The following FYB2 variants were observed in gnomAD, a reference collection of about 807,000 sequenced individuals.
FYB2 encodes FYN binding protein 2.
A neutral mutation model predicts 94.1 loss-of-function variants in FYB2; 103 were observed. The ratio of observed to expected loss-of-function variants is 1.09; its 90% CI spans 0.93 to 1.29. The LOEUF (loss-of-function observed/expected upper bound fraction) is 1.29. Among genes scored for constraint, FYB2 ranks in the 50% most tolerant of loss-of-function variants. FYB2 has a pLI of 0.00. For synonymous variants in FYB2, 293 were observed against 287.9 expected, an observed-to-expected ratio of 1.02 and a Z score of -0.18; for missense variants, 896 against 841.5, an observed-to-expected ratio of 1.06 and a Z score of -0.80.
chr1:56,720,942 A>G (rs1441797297), intron 17 of FYB2: 1 of 151,954 alleles, frequency 6.6e-6, no homozygotes, highest in Non-Finnish European at 1.5e-5. Flanking sequence ...ATATTCTTAC[A>G]TACCTATCAT....
intron 9 of FYB2, among the ~76,000 whole-genome samples, chr1:56,749,911 T>A (rs1645155576): frequency 6.6e-6 from 1 of 152,080 alleles, no homozygotes; most frequent in Non-Finnish European, 1.5e-5. Flanking sequence ...GTGGTACTTT[T>A]ATGAATGTTT....
At chr1:56,771,628 G>C (rs1290417939) in intron 4 of FYB2, among the ~76,000 whole-genome samples, 1 of 152,144 alleles carries the variant, frequency 6.6e-6, no homozygotes, top group East Asian at 1.9e-4. Flanking sequence ...TTAGGGTTAG[G>C]GTTAAAGGTG....
intron 9 of FYB2, among the ~76,000 whole-genome samples, chr1:56,748,824 A>G (rs1404319747): frequency 6.6e-6 from 1 of 151,882 alleles, no homozygotes; most frequent in Non-Finnish European, 1.5e-5. Context: ...ACAACTTTCT[A>G]TCTGTGATTA....
At chr1:56,744,347 G>A (rs923593217) in intron 9 of FYB2, 81 bp from the exon 10 acceptor site, 3 of 1,040,088 alleles carry the variant, frequency 2.9e-6, no homozygotes, top group Admixed American at 1.9e-5. Flanking sequence ...TGGCAGTGGA[G>A]GCAAGCATAA....
chr1:56,821,794 TC>T (rs1646994484), upstream of FYB2, among the ~76,000 whole-genome samples: 1 of 152,170 alleles, frequency 6.6e-6, no homozygotes. Context: ...AAGTGGCAGA[TC>T]CTTGTATTCA....
At chr1:56,819,096 T>A (rs1646952816) in intron 1 of FYB2, among the ~76,000 whole-genome samples, 186 bp downstream of exon 1, 1 of 150,904 alleles carries the variant, frequency 6.6e-6, no homozygotes, top group Admixed American at 6.6e-5. Flanking sequence ...ACACTCCTCT[T>A]CCCTCCCACC....
intron 1 of FYB2, among the ~76,000 whole-genome samples, chr1:56,814,540 A>G (rs191715200): frequency 7.2e-5 from 11 of 152,320 alleles, no homozygotes; most frequent in Admixed American, 3.9e-4. Flanking sequence ...GGACTAAACA[A>G]CACAATTCAA....
chr1:56,733,397 A>AT (rs542028916), intron 15 of FYB2, among the ~76,000 whole-genome samples: 3 of 152,072 alleles, frequency 2.0e-5, no homozygotes, highest in South Asian at 4.1e-4. Flanking sequence ...GGATTCATTG[A>AT]TTTTTTGAAG....
chr1:56,821,213 G>C (rs1646987568), upstream of FYB2, among the ~76,000 whole-genome samples: 1 of 152,144 alleles, frequency 6.6e-6, no homozygotes, highest in African/African-American at 2.4e-5. Context: ...CTAGTGCAAG[G>C]GCTCCCCCTA....
upstream of FYB2, chr1:56,824,069 T>C (rs369935668): frequency 3.5e-4 from 53 of 152,348 alleles, 2 homozygotes; most frequent in African/African-American, 1.2e-3. Context: ...ACATACCACA[T>C]GAAAGCCATG....
intron 9 of FYB2, among the ~76,000 whole-genome samples, chr1:56,749,420 G>C (rs1440845952): frequency 2.6e-5 from 4 of 151,410 alleles, no homozygotes; most frequent in African/African-American, 7.3e-5. Context: ...ATGAATTTTG[G>C]ATAATTTCTT....
At chr1:56,742,424 A>C (rs553481149) in intron 11 of FYB2, among the ~76,000 whole-genome samples, 1 of 152,204 alleles carries the variant, frequency 6.6e-6, no homozygotes, top group African/African-American at 2.4e-5. Context: ...TGTATAAATG[A>C]AAATTAAGAC....
At chr1:56,724,905 G>T (rs975016629) in intron 16 of FYB2, among the ~76,000 whole-genome samples, 2 of 152,044 alleles carry the variant, frequency 1.3e-5, no homozygotes, top group African/African-American at 4.8e-5. Flanking sequence ...TCATGGGGTT[G>T]TCTCCCTCAT....
At chr1:56,811,598 C>A (rs1400659346) in intron 1 of FYB2, among the ~76,000 whole-genome samples, 2 of 152,204 alleles carry the variant, frequency 1.3e-5, no homozygotes, top group African/African-American at 2.4e-5. Flanking sequence ...AGGGTTGTCA[C>A]AGCAAGTACC....
intron 1 of FYB2, among the ~76,000 whole-genome samples, chr1:56,811,614 C>G (rs1036476482): frequency 1.3e-5 from 2 of 152,216 alleles, no homozygotes; most frequent in African/African-American, 4.8e-5. Flanking sequence ...GTACCACAGA[C>G]TATGTGGCTC....
chr1:56,792,695 T>C lies in FYB2; in HGVS notation c.118A>G (p.Ile40Val). ...ATTTGAGTTGACTGTGTGCCTCCAA[T>C]GTCACCCTTTGGAGAAACACCTGCT... is the stretch of plus-strand genomic sequence containing the variant. ...FPAGVSPKGD[I>V]GGTQSTQILA... The change falls in exon 2 of 20, where the codon ATT (isoleucine) becomes GTT (valine). Residue 40 changes from isoleucine to valine, a missense_variant. Physicochemically the swap from Ile to Val is conservative, Grantham distance 29. Coordinates refer to ENST00000343433, the MANE Select transcript of FYB2 (RefSeq NM_001004303.5). 1.9e-6 allele frequency: 3 copies of C among 1,614,108 alleles called. No individual in the cohort carries two copies. Among genetic ancestry groups the C allele is most frequent in the East Asian group, 4.5e-5 (2 of 44,862 alleles).
chr1:56,788,959 G>T lies in FYB2; in HGVS notation c.919+14C>A. ...CCTGGTTGGCCTTGTGTAGGGCCCT[G>T]TGCATTTCCTTACCTTCCCCCTGAG... On this transcript the variant is annotated intron_variant, in intron 3 of 19. Transcript: ENST00000343433. The T allele has an allele frequency of 6.2e-7, 1 of 1,613,974 alleles. No homozygotes were observed. Among genetic ancestry groups the T allele is most frequent in the Non-Finnish European group, 8.5e-7 (1 of 1,179,908 alleles).
intron 16 of FYB2, among the ~76,000 whole-genome samples, chr1:56,724,320 C>T (rs1439187114): frequency 6.6e-6 from 1 of 152,024 alleles, no homozygotes; most frequent in Non-Finnish European, 1.5e-5. Context: ...AAATAAATAA[C>T]CCTACAGAAG....
chr1:56,804,136 T>C (rs539577999), intron 1 of FYB2, among the ~76,000 whole-genome samples: 1 of 152,276 alleles, frequency 6.6e-6, no homozygotes, highest in East Asian at 1.9e-4. Flanking sequence ...TCTCTTTTGG[T>C]CTTATGCCCT....
Sources: allele counts gnomAD v4.1 joint callset (sites outside exome capture counted in the v4.1 genomes callset), GRCh38; gene constraint gnomAD v4.1.1; transcripts MANE v1.5; gene names NCBI Gene and HGNC (gene_info 2026-07-23, HGNC 2026-07-21).